Variants in NEGR1 observed in about 807,000 individuals in gnomAD.
NEGR1 encodes the protein neuronal growth regulator 1, also known as IgLON family member 4.
Under a neutral mutation model 40.9 loss-of-function variants are expected in NEGR1, and 10 were observed. The observed-to-expected ratio is 0.24, with a 90% confidence interval of 0.15 to 0.42. The LOEUF (loss-of-function observed/expected upper bound fraction) is 0.42. NEGR1 is among the 10% of genes least tolerant of loss of function. The probability of loss-of-function intolerance (pLI) is 1.00; values close to 1 mark genes in which losing one functional copy is unlikely to be tolerated. For synonymous variants in NEGR1, 185 were observed against 166.8 expected (o/e 1.11, Z -0.84); for missense variants, 352 against 438.9 (o/e 0.80, Z 1.77).
intron 6 of NEGR1, among the ~76,000 whole-genome samples, chr1:71,532,875 T>A (rs1204415925): frequency 2.0e-5 from 3 of 151,490 alleles, no homozygotes; most frequent in Admixed American, 2.0e-4. Context: ...CCTGGACTTG[T>A]GACAGGACTA....
At chr1:71,631,961 G>A (rs935916970) in intron 4 of NEGR1, among the ~76,000 whole-genome samples, 4 of 151,700 alleles carry the variant, frequency 2.6e-5, no homozygotes, top group Admixed American at 1.3e-4. Flanking sequence ...GTATGTTAAT[G>A]TTTTAATACT....
At chr1:71,764,912 G>T (rs183727079) in intron 3 of NEGR1, among the ~76,000 whole-genome samples, 1 of 152,008 alleles carries the variant, frequency 6.6e-6, no homozygotes, top group Non-Finnish European at 1.5e-5. Flanking sequence ...AAACCATTTC[G>T]CAATCGGATT....
At position 71,409,256 on chromosome 1, in the gene NEGR1, C is replaced by A. The variant is rs185584009; in HGVS notation, c.941-1686G>T. ...AAATATTTTAAAAATACAAATTAAT[C>A]TTTATTTAATATATGACCTTCTCAA... On this transcript the variant is annotated intron_variant, in intron 6 of 6. Coordinates refer to ENST00000357731, the MANE Select transcript of NEGR1 (RefSeq NM_173808.3). Among the ~76,000 whole-genome samples the A allele has an allele frequency of 4.3e-4, 66 of 151,830 alleles. 1 individual carries two copies. The highest frequency in any genetic ancestry group is 2.5e-3 in the Admixed American group (38 of 15,228).
chr1:71,418,303 A>ATTAT (rs905046992), intron 6 of NEGR1, among the ~76,000 whole-genome samples: 80 of 151,006 alleles, frequency 5.3e-4, no homozygotes, highest in Middle Eastern at 6.9e-3. Context: ...TTTTATTATT[A>ATTAT]TTATTTATTT....
chr1:71,991,666 C>G (rs1164633781), intron 1 of NEGR1, among the ~76,000 whole-genome samples: 1 of 149,506 alleles, frequency 6.7e-6, no homozygotes, highest in Non-Finnish European at 1.5e-5. Context: ...CCTACTTAAT[C>G]CACTAGGTTG....
chr1:71,489,016 GT>G (rs1225618771), intron 6 of NEGR1, among the ~76,000 whole-genome samples: 1 of 151,658 alleles, frequency 6.6e-6, no homozygotes, highest in Non-Finnish European at 1.5e-5. Flanking sequence ...ACCTTACAGA[GT>G]TCTTGTGAAG....
intron 6 of NEGR1, among the ~76,000 whole-genome samples, chr1:71,435,076 G>A (rs1224666773): frequency 1.3e-5 from 2 of 151,084 alleles, no homozygotes; most frequent in African/African-American, 2.4e-5. Context: ...GGGCGACAGA[G>A]CCAGACTCCA....
chr1:71,583,793 T>G (rs1649212081), intron 6 of NEGR1, among the ~76,000 whole-genome samples: 1 of 152,222 alleles, frequency 6.6e-6, no homozygotes, highest in Non-Finnish European at 1.5e-5. Flanking sequence ...GAATTCATTC[T>G]AAGTGGACTG....
intron 1 of NEGR1, among the ~76,000 whole-genome samples, chr1:72,010,531 A>T (rs1646646921): frequency 6.6e-6 from 1 of 152,144 alleles, no homozygotes; most frequent in East Asian, 1.9e-4. Flanking sequence ...TATGTGCAGT[A>T]TACAACTCTT....
intron 1 of NEGR1, among the ~76,000 whole-genome samples, chr1:72,204,462 C>G (rs1022541277): frequency 6.6e-6 from 1 of 152,098 alleles, no homozygotes; most frequent in Non-Finnish European, 1.5e-5. Context: ...GTCATCGTAT[C>G]AGTAGAACTT....
rs978752998 is a variant in NEGR1, at chr1:72,111,195, G to A, written c.176+171124C>T. 3.3e-5 allele frequency among the ~76,000 whole-genome samples: 5 copies of A among 151,372 alleles called. No individual in the cohort carries two copies. The Admixed American group carries it at 3.3e-4, about 10-fold the overall frequency. The stretch of plus-strand genomic sequence containing the variant: ...ACTGAACATGTGTTCCATGATTTGG[G>A]GTTGGCTATTAAACCTTTCTAAGCT... On this transcript the variant is annotated intron_variant, in intron 1 of 6. Transcript: ENST00000357731.
intron 1 of NEGR1, among the ~76,000 whole-genome samples, chr1:71,997,430 A>G (rs1344026655): frequency 6.6e-6 from 1 of 152,026 alleles, no homozygotes; most frequent in Non-Finnish European, 1.5e-5. Flanking sequence ...TCCAAGTACA[A>G]ATGTTATTTT....
intron 1 of NEGR1, among the ~76,000 whole-genome samples, chr1:72,276,271 T>C (rs982945330): frequency 1.3e-5 from 2 of 152,134 alleles, no homozygotes; most frequent in African/African-American, 2.4e-5. Flanking sequence ...GATATTGTTA[T>C]GGTCACATAC....
At chr1:71,807,375 G>A (rs777444793) in intron 2 of NEGR1, among the ~76,000 whole-genome samples, 3 of 151,990 alleles carry the variant, frequency 2.0e-5, no homozygotes, top group Non-Finnish European at 4.4e-5. Context: ...ATAGATAAAA[G>A]AGAAGTCAAT....
chr1:71,686,612 C>T (rs1179733985), intron 4 of NEGR1, among the ~76,000 whole-genome samples: 2 of 152,116 alleles, frequency 1.3e-5, no homozygotes, highest in African/African-American at 2.4e-5. Context: ...GTCACAGGGC[C>T]AAAGCTAACC....
chr1:71,865,091 A>G (rs1433666993), intron 2 of NEGR1, among the ~76,000 whole-genome samples: 1 of 152,186 alleles, frequency 6.6e-6, no homozygotes, highest in Non-Finnish European at 1.5e-5. Context: ...AAATACAGAA[A>G]TCAGTAGTAA....
chr1:71,847,906 A>G (rs1469497369), intron 2 of NEGR1, among the ~76,000 whole-genome samples: 1 of 152,256 alleles, frequency 6.6e-6, no homozygotes, highest in Non-Finnish European at 1.5e-5. Context: ...CAAAGAATTA[A>G]TCAAGCTGTA....
chr1:71,607,157 A>G (rs1018360704), intron 5 of NEGR1, among the ~76,000 whole-genome samples: 1 of 152,232 alleles, frequency 6.6e-6, no homozygotes, highest in African/African-American at 2.4e-5. Flanking sequence ...GGTCTCTGAC[A>G]GCTTCATGTT....
chr1:71,775,161 G>A (rs540942647), intron 3 of NEGR1, among the ~76,000 whole-genome samples: 1 of 152,178 alleles, frequency 6.6e-6, no homozygotes, highest in South Asian at 2.1e-4. Flanking sequence ...ACCTATCAAC[G>A]TGTGAATGCT....
Sources: allele counts gnomAD v4.1 joint callset (sites outside exome capture counted in the v4.1 genomes callset), GRCh38; gene constraint gnomAD v4.1.1; transcripts MANE v1.5; gene names NCBI Gene and HGNC (gene_info 2026-07-23, HGNC 2026-07-21).